SYNPO2: variants seen among roughly 807,000 people sequenced by gnomAD.
SYNPO2 encodes synaptopodin-2.
SYNPO2 carries 56 observed loss-of-function variants against 85.0 expected under a neutral mutation model. The observed-to-expected ratio is 0.66, with a 90% CI of 0.53 to 0.82. The LOEUF is 0.82. Ranked by LOEUF, SYNPO2 falls within the 40% of genes least tolerant of loss-of-function variation. SYNPO2 has a pLI of 0.00. For synonymous variants in SYNPO2, 602 were observed against 591.1 expected, an observed-to-expected ratio of 1.02 and a Z score of -0.27; for missense variants, 1,575 against 1,534.2, an observed-to-expected ratio of 1.03 and a Z score of -0.44.
At chr4:118,980,056 A>T (rs1000398939) in intron 1 of SYNPO2, among the ~76,000 whole-genome samples, 1 of 152,242 alleles carries the variant, frequency 6.6e-6, no homozygotes, top group East Asian at 1.9e-4. Context: ...GATACATTGC[A>T]TAGTATATGC....
chr4:118,990,265 T>C (rs75613138), intron 1 of SYNPO2, among the ~76,000 whole-genome samples: 3,409 of 152,176 alleles, frequency 0.022, 135 homozygotes, highest in African/African-American at 0.077. Context: ...CCTCAGGAAA[T>C]GTTCTATTCC....
intron 1 of SYNPO2, among the ~76,000 whole-genome samples, chr4:118,912,863 G>A (rs183167518): frequency 1.2e-3 from 190 of 152,254 alleles, no homozygotes; most frequent in Admixed American, 2.9e-3. Context: ...ACAGAAAAAC[G>A]TTTAGCTAAA....
rs578130565 is a variant in SYNPO2 at position 119,031,217 on chromosome 4, T to C, written c.2442T>C (p.Pro814=). The C allele has an allele frequency of 6.2e-7, 1 of 1,614,068 alleles. No homozygotes were observed. Among genetic ancestry groups the C allele is most frequent in the Admixed American group, 1.7e-5 (1 of 60,014 alleles). Residue 814 remains proline, a synonymous_variant, in exon 4 of 5, where the codon CCT becomes CCC. Transcript: ENST00000307142. ...SSIKIAQPSY[P]PARPASTLNV... ...TCAAAATAGCCCAGCCTTCTTACCC[T>C]CCTGCCCGGCCTGCAAGTACTTTGA... is the stretch of plus-strand genomic sequence containing the variant.
intron 1 of SYNPO2, among the ~76,000 whole-genome samples, chr4:119,018,040 C>T (rs139263258): frequency 5.9e-5 from 9 of 152,006 alleles, no homozygotes; most frequent in East Asian, 1.9e-4. Flanking sequence ...TTAGCATAGC[C>T]GAAAGTCTTC....
chr4:118,892,177 G>C (rs1349569204), intron 1 of SYNPO2, among the ~76,000 whole-genome samples: 2 of 152,060 alleles, frequency 1.3e-5, no homozygotes, highest in Non-Finnish European at 2.9e-5. Flanking sequence ...AAATTTTAAA[G>C]ATAAATAACA....
intron 1 of SYNPO2, among the ~76,000 whole-genome samples, chr4:118,883,713 C>CTT (rs57844329): frequency 0.029 from 4,325 of 149,074 alleles, 89 homozygotes; most frequent in African/African-American, 0.052. Flanking sequence ...TTCTCTTTTT[C>CTT]TTTTTTTTTT....
intron 1 of SYNPO2, among the ~76,000 whole-genome samples, chr4:118,973,398 G>A (rs867567343): frequency 6.6e-6 from 1 of 151,776 alleles, no homozygotes; most frequent in African/African-American, 2.4e-5. Context: ...TTCCTTTCAC[G>A]GTGGTGCTGA....
chr4:118,954,995 ATTTT>A (rs143188478), intron 1 of SYNPO2, among the ~76,000 whole-genome samples: 61 of 130,974 alleles, frequency 4.7e-4, no homozygotes, highest in South Asian at 7.5e-4. Flanking sequence ...ATTCTGTGCA[ATTTT>A]TTTTTTTTTT....
At chr4:118,944,314 T>C (rs965085122) in intron 1 of SYNPO2, among the ~76,000 whole-genome samples, 2 of 152,148 alleles carry the variant, frequency 1.3e-5, no homozygotes, top group East Asian at 3.9e-4. Context: ...GGTGCTAAAA[T>C]TGAAACTCAT....
chr4:119,031,279 T>C lies in SYNPO2; in HGVS notation c.2504T>C (p.Val835Ala). The part of the protein sequence containing the change: ...AGPFKGPQAA[V>A]ASQNYTPKPT... ...CCCTTCAAAGGACCACAAGCAGCAG[T>C]AGCCAGTCAGAATTACACACCCAAA... The change falls in exon 4 of 5, where the codon GTA (valine) becomes GCA (alanine). Residue 835 changes from valine (V) to alanine (A), a missense_variant. Coordinates refer to ENST00000307142, the MANE Select transcript of SYNPO2 (RefSeq NM_133477.3). 1 of 1,614,146 alleles carries C rather than the reference T, an allele frequency of 6.2e-7. No homozygotes were observed. The highest frequency in any genetic ancestry group is 1.1e-5 in the South Asian group (1 of 91,074).
rs183167197 is a variant in SYNPO2 at position 118,964,055 on chromosome 4, G to A, written c.106-59375G>A. Among the ~76,000 whole-genome samples the A allele has an allele frequency of 3.7e-3, 564 of 152,318 alleles. 5 individuals are homozygous for A. Among genetic ancestry groups the A allele is most frequent in the African/African-American group, 0.013 (552 of 41,564 alleles). On this transcript the variant is annotated intron_variant, in intron 1 of 4. Transcript: ENST00000307142. Reference sequence around the variant, plus strand: ...TTGCATGAGGGGGACCACCCGTCAAGATTATCCACCAGGCTTTTCACTCCA... The same window carrying A: ...TTGCATGAGGGGGACCACCCGTCAAAATTATCCACCAGGCTTTTCACTCCA...
At chr4:119,021,154 G>T (rs1231192746) in intron 1 of SYNPO2, among the ~76,000 whole-genome samples, 1 of 152,090 alleles carries the variant, frequency 6.6e-6, no homozygotes, top group Admixed American at 6.6e-5. Flanking sequence ...AGAAGGATGG[G>T]CCCTCCCAGA....
chr4:118,936,099 T>C (rs1304652146), intron 1 of SYNPO2, among the ~76,000 whole-genome samples: 1 of 152,198 alleles, frequency 6.6e-6, no homozygotes, highest in Non-Finnish European at 1.5e-5. Flanking sequence ...ACTGTACTTA[T>C]CATCATCCTA....
chr4:119,039,772 A>G (rs1371710698), intron 4 of SYNPO2, among the ~76,000 whole-genome samples: 1 of 152,212 alleles, frequency 6.6e-6, no homozygotes, highest in East Asian at 1.9e-4. Flanking sequence ...TGCAGAGAAT[A>G]AGGTTCCTTC....
chr4:118,986,247 T>C (rs4834733), intron 1 of SYNPO2, among the ~76,000 whole-genome samples: 62,829 of 152,074 alleles, frequency 0.41, 13,155 homozygotes, highest in South Asian at 0.6. Flanking sequence ...AAAGGCTACA[T>C]TTTCTATACT....
At chr4:118,880,764 AT>A (rs1344145256) in intron 1 of SYNPO2, among the ~76,000 whole-genome samples, 2 of 146,456 alleles carry the variant, frequency 1.4e-5, no homozygotes, top group East Asian at 2.0e-4. Context: ...AAAAAAAAAA[AT>A]TATGCAAGCT....
In SYNPO2 at chr4:118,919,248, G is replaced by T. The variant is rs546468644; in HGVS notation, c.105+30107G>T. Among the ~76,000 whole-genome samples, 5 of 61,650 alleles carry T rather than the reference G, an allele frequency of 8.1e-5. No homozygotes were observed. The South Asian group carries it at 4.0e-3, about 50-fold the overall frequency. The allele number at this position is 61,650 out of a possible 152,430, so 40.4% of individuals were successfully genotyped here. On this transcript the variant is annotated intron_variant, in intron 1 of 4. Coordinates refer to ENST00000307142, the MANE Select transcript of SYNPO2 (RefSeq NM_133477.3). The stretch of plus-strand genomic sequence containing the variant: ...TCGATCATTGCACTCATTCTTCTGA[G>T]CCTGGATTGAGCCTCCCTGTCTCTC...
intron 1 of SYNPO2, among the ~76,000 whole-genome samples, chr4:118,855,675 T>C (rs1025898186): frequency 6.6e-6 from 1 of 152,156 alleles, no homozygotes; most frequent in Non-Finnish European, 1.5e-5. Context: ...TAAAATATTT[T>C]TCAGGAAAAT....
chr4:119,002,483 T>C (rs1736858616), intron 1 of SYNPO2, among the ~76,000 whole-genome samples: 1 of 152,068 alleles, frequency 6.6e-6, no homozygotes, highest in Non-Finnish European at 1.5e-5. Flanking sequence ...CTGGTCTCGA[T>C]CTCCTGACCT....
Sources: gnomAD v4.1 joint callset for allele counts (sites outside exome capture counted in the v4.1 genomes callset) on GRCh38, gnomAD v4.1.1 for gene constraint, MANE v1.5 for transcripts, NCBI Gene and HGNC (gene_info 2026-07-23, HGNC 2026-07-21) for gene names.